The following IGSF3 variants were observed in gnomAD, a reference collection of about 807,000 sequenced individuals.
IGSF3 encodes glu-Trp-Ile EWI motif-containing protein 3.
In IGSF3, 23 loss-of-function variants were observed where a neutral mutation model predicts 114.4. The observed-to-expected ratio is 0.20, with a 90% confidence interval of 0.14 to 0.28. The LOEUF (loss-of-function observed/expected upper bound fraction) is 0.28. Ranked by LOEUF, IGSF3 falls within the 10% of genes least tolerant of loss-of-function variation. IGSF3 has a pLI of 1.00. For missense variants in IGSF3, 1,172 were observed against 1,591.5 expected, an observed-to-expected ratio of 0.74 and a Z score of 4.48; for synonymous variants, 571 against 645.2, an observed-to-expected ratio of 0.88 and a Z score of 1.74.
intron 1 of IGSF3, among the ~76,000 whole-genome samples, chr1:116,667,225 G>T (rs1417387163): frequency 6.6e-6 from 1 of 152,138 alleles, no homozygotes; most frequent in Non-Finnish European, 1.5e-5. Context: ...CCGAGCCCGG[G>T]CGCCGCAGGT....
Position 116,638,015 on chromosome 1 carries a change from C to A in IGSF3, c.44-21558G>T, listed in dbSNP as rs977446988. Among the ~76,000 whole-genome samples, 21 of 152,158 alleles carry A rather than the reference C, an allele frequency of 1.4e-4. No homozygotes were observed. Among genetic ancestry groups the A allele is most frequent in the African/African-American group, 4.8e-4 (20 of 41,426 alleles). On this transcript the variant is annotated intron_variant, in intron 2 of 10. Coordinates refer to ENST00000369486, the MANE Select transcript of IGSF3 (RefSeq NM_001007237.3). This position sits in a 1 kb window ranked among gnomAD's most constrained non-coding sequence, Gnocchi z 4.1. ...CTGCCTATAAGTATATCGGATCGCT[C>A]TCCTTCTTGCTGGCATCCACAGTAA...
intron 2 of IGSF3, among the ~76,000 whole-genome samples, chr1:116,653,535 G>A (rs779078642): frequency 3.9e-5 from 6 of 152,198 alleles, no homozygotes; most frequent in African/African-American, 1.4e-4. Context: ...AGAGTGGGAA[G>A]GCGAATGTTT....
At position 116,664,485 on chromosome 1, in the gene IGSF3, C is replaced by T. The variant is rs1261912947; in HGVS notation, c.43+1799G>A. Among the ~76,000 whole-genome samples, 1 of 152,216 alleles carries T rather than the reference C, an allele frequency of 6.6e-6. No individual in the cohort carries two copies. The highest frequency in any genetic ancestry group is 1.5e-5 in the Non-Finnish European group (1 of 68,036). On this transcript the variant is annotated intron_variant, in intron 2 of 10. Coordinates refer to ENST00000369486, the MANE Select transcript of IGSF3 (RefSeq NM_001007237.3). This position sits in a 1 kb window ranked among gnomAD's most constrained non-coding sequence, Gnocchi z 4.6. ...TGGTTACTTCTCCTGCCCTGGGCCCCACCCTGCCACTCAGCCCTCTTTCCC... is the reference window on the plus strand; with the variant it reads ...TGGTTACTTCTCCTGCCCTGGGCCCTACCCTGCCACTCAGCCCTCTTTCCC...
In IGSF3 at chr1:116,610,792, C is replaced by T. The variant is rs1417606498; in HGVS notation, c.833-2461G>A. Among the ~76,000 whole-genome samples the T allele has an allele frequency of 4.6e-5, 7 of 152,152 alleles. No individual in the cohort carries two copies. The highest frequency in any genetic ancestry group is 7.4e-5 in the Non-Finnish European group (5 of 68,012). ...CCAGGGCCCTGATCACTCTCAGGCT[C>T]GGTCTCTGAGCCCCAGACCCCTGTG... is the stretch of plus-strand genomic sequence containing the variant. On this transcript the variant is annotated intron_variant, in intron 4 of 10. Coordinates refer to ENST00000369486, the MANE Select transcript of IGSF3 (RefSeq NM_001007237.3). The surrounding 1 kb of genome is among the most constrained non-coding windows in gnomAD (Gnocchi z 4.3).
At chr1:116,658,106 A>C (rs1648945659) in intron 2 of IGSF3, among the ~76,000 whole-genome samples, 1 of 151,652 alleles carries the variant, frequency 6.6e-6, no homozygotes, top group Admixed American at 6.6e-5. Flanking sequence ...CAATGGTGCA[A>C]TCTCGGCTCA....
intron 2 of IGSF3, among the ~76,000 whole-genome samples, chr1:116,658,402 C>T (rs2101081967): frequency 6.6e-6 from 1 of 152,122 alleles, no homozygotes; most frequent in Non-Finnish European, 1.5e-5. Context: ...CCCCCCTTTG[C>T]TTCGACCTCT....
rs565350254 is a variant in IGSF3, at chr1:116,590,762, G to A, written c.2030-1658C>T. Among the ~76,000 whole-genome samples, 205 of 151,956 alleles carry A rather than the reference G, an allele frequency of 1.3e-3. 1 individual carries two copies. In the South Asian group the frequency reaches 0.02, roughly 15 times the overall value. On this transcript the variant is annotated intron_variant, in intron 7 of 10. Coordinates refer to ENST00000369486, the MANE Select transcript of IGSF3 (RefSeq NM_001007237.3). ...TTTGGCAGCATCAAGGGTTGATTGA[G>A]TCCCATGCATCACAGAACCAAAACT...
chr1:116,585,439 G>C lies in IGSF3; in HGVS notation c.2441-387C>G, dbSNP rs59394519. On this transcript the variant is annotated intron_variant, in intron 8 of 10. Coordinates refer to ENST00000369486, the MANE Select transcript of IGSF3 (RefSeq NM_001007237.3). The surrounding 1 kb of genome is among the most constrained non-coding windows in gnomAD (Gnocchi z 4.9). ...GGGGATGGTGAGAAACCTCTGAAAAGCAAGAGTAAACTTTTAAAACTGATC... is the reference window on the plus strand; with the variant it reads ...GGGGATGGTGAGAAACCTCTGAAAACCAAGAGTAAACTTTTAAAACTGATC... 2.0e-3 allele frequency among the ~76,000 whole-genome samples: 302 copies of C among 152,296 alleles called. No homozygotes were observed. Among genetic ancestry groups the C allele is most frequent in the African/African-American group, 7.0e-3 (290 of 41,544 alleles).
chr1:116,611,988 C>A (rs536702560), intron 4 of IGSF3, among the ~76,000 whole-genome samples: 27 of 152,278 alleles, frequency 1.8e-4, no homozygotes, highest in African/African-American at 6.3e-4. Flanking sequence ...AACTGCTGAA[C>A]CTAAACAGCA....
intron 2 of IGSF3, chr1:116,646,971 C>G (rs182913067): frequency 6.6e-6 from 1 of 152,338 alleles, no homozygotes; most frequent in East Asian, 1.9e-4. Context: ...CCTGAGATGA[C>G]GTCAGCGCTG....
At chr1:116,606,300 G>T (rs1660790034) in intron 5 of IGSF3, among the ~76,000 whole-genome samples, 1 of 152,250 alleles carries the variant, frequency 6.6e-6, no homozygotes, top group Non-Finnish European at 1.5e-5. Context: ...GTCACTTCCT[G>T]TGTGGTGCTC....
intron 5 of IGSF3, 28 bp from the exon 6 acceptor site, chr1:116,604,053 G>A: frequency 6.5e-7 from 1 of 1,548,882 alleles, no homozygotes; most frequent in Non-Finnish European, 8.7e-7. Flanking sequence ...GAAACACCCT[G>A]GAGGCTTTAT....
In IGSF3 at chr1:116,636,923, T is replaced by C. The variant is rs1647856188; in HGVS notation, c.44-20466A>G. Among the ~76,000 whole-genome samples the C allele has an allele frequency of 6.6e-6, 1 of 152,196 alleles. No homozygotes were observed. The highest frequency in any genetic ancestry group is 2.1e-4 in the South Asian group (1 of 4,828). ...TGGGACTGCAATTCACACTATTAACTCAAATTCTACTTGACATTCTTTCAA... is the reference window on the plus strand; with the variant it reads ...TGGGACTGCAATTCACACTATTAACCCAAATTCTACTTGACATTCTTTCAA... On this transcript the variant is annotated intron_variant, in intron 2 of 10. Coordinates refer to ENST00000369486, the MANE Select transcript of IGSF3 (RefSeq NM_001007237.3). The surrounding 1 kb of genome is among the most constrained non-coding windows in gnomAD (Gnocchi z 4.5).
At position 116,638,104 on chromosome 1, in the gene IGSF3, T is replaced by G. The variant is rs1177757730; in HGVS notation, c.44-21647A>C. ...CATGCCATCCCACACATCTTAAAAA[T>G]AAACCAAAAATGTGTTATTCCAGCT... On this transcript the variant is annotated intron_variant, in intron 2 of 10. Coordinates refer to ENST00000369486, the MANE Select transcript of IGSF3 (RefSeq NM_001007237.3). This position sits in a 1 kb window ranked among gnomAD's most constrained non-coding sequence, Gnocchi z 4.1. Among the ~76,000 whole-genome samples, 1 of 152,136 alleles carries G rather than the reference T, an allele frequency of 6.6e-6. No individual in the cohort carries two copies. The highest frequency in any genetic ancestry group is 1.5e-5 in the Non-Finnish European group (1 of 68,006).
At position 116,600,030 on chromosome 1, in the gene IGSF3, G is replaced by A. The variant is rs764364787; in HGVS notation, c.1940C>T (p.Ala647Val). 1.2e-6 allele frequency: 2 copies of A among 1,614,186 alleles called. No individual in the cohort carries two copies. The highest frequency in any genetic ancestry group is 1.1e-5 in the South Asian group (1 of 91,088). Reference protein sequence around the residue: ...DTEAGKYQCVAELWRKNYNNT... With the variant: ...DTEAGKYQCVVELWRKNYNNT... ...GTTGTAGTTCTTCCGCCACAGCTCT[G>A]CCACACACTGGTACTTGCCTGCTTC... The change falls in exon 7 of 11, where the codon GCA (alanine) becomes GTA (valine). Residue 647 changes from alanine to valine, a missense_variant. By Grantham distance (64) the Ala-to-Val change is moderately conservative. Transcript: ENST00000369486. The surrounding 1 kb of genome is among the most constrained non-coding windows in gnomAD (Gnocchi z 5.5).
chr1:116,583,447 T>G lies in IGSF3; in HGVS notation c.2848+1198A>C, dbSNP rs1361168240. Among the ~76,000 whole-genome samples the G allele has an allele frequency of 1.3e-5, 2 of 152,368 alleles. No homozygotes were observed. Among genetic ancestry groups the G allele is most frequent in the African/African-American group, 4.8e-5 (2 of 41,590 alleles). ...GGCAAGACACAGGCGAGTGAGATACTGCCCATTTCCTATAACCAAGGCTGC... is the reference window on the plus strand; with the variant it reads ...GGCAAGACACAGGCGAGTGAGATACGGCCCATTTCCTATAACCAAGGCTGC... On this transcript the variant is annotated intron_variant, in intron 9 of 10. Coordinates refer to ENST00000369486, the MANE Select transcript of IGSF3 (RefSeq NM_001007237.3). The surrounding 1 kb of genome is among the most constrained non-coding windows in gnomAD (Gnocchi z 4.5).
At chr1:116,617,788 G>A (rs1259620270) in intron 2 of IGSF3, among the ~76,000 whole-genome samples, 1 of 152,208 alleles carries the variant, frequency 6.6e-6, no homozygotes, top group Non-Finnish European at 1.5e-5. Context: ...TATTTCTGCT[G>A]GAACATTCTG....
At chr1:116,580,329 AGAG>A (rs1194318508) in intron 9 of IGSF3, among the ~76,000 whole-genome samples, 1 of 152,250 alleles carries the variant, frequency 6.6e-6, no homozygotes, top group Non-Finnish European at 1.5e-5. Context: ...TAATTAGCAA[AGAG>A]GAGGTCTTGC....
rs997885525 is a variant in IGSF3 at position 116,665,153 on chromosome 1, T to C, written c.43+1131A>G. 1.3e-5 allele frequency among the ~76,000 whole-genome samples: 2 copies of C among 152,184 alleles called. No homozygotes were observed. The highest frequency in any genetic ancestry group is 4.8e-5 in the African/African-American group (2 of 41,442). On this transcript the variant is annotated intron_variant, in intron 2 of 10. Coordinates refer to ENST00000369486, the MANE Select transcript of IGSF3 (RefSeq NM_001007237.3). This position sits in a 1 kb window ranked among gnomAD's most constrained non-coding sequence, Gnocchi z 4.0. ...ATTCAGATGTCAATCATGGTGAAGCTGGGATAGGAACTCAGGTCCTCTAAT... is the reference window on the plus strand; with the variant it reads ...ATTCAGATGTCAATCATGGTGAAGCCGGGATAGGAACTCAGGTCCTCTAAT...
Sources: gnomAD v4.1 joint callset for allele counts (sites outside exome capture counted in the v4.1 genomes callset) on GRCh38, gnomAD v4.1.1 for gene constraint, Gnocchi (gnomAD v3.1) non-coding constraint, MANE v1.5 for transcripts, NCBI Gene and HGNC (gene_info 2026-07-23, HGNC 2026-07-21) for gene names.